The following DPP10 variants were observed in gnomAD, a reference collection of about 807,000 sequenced individuals.
DPP10 encodes the protein dipeptidyl peptidase like 10.
DPP10 carries 33 observed loss-of-function variants against 120.9 expected under a neutral mutation model. That is an observed-to-expected ratio of 0.27 (90% confidence interval 0.21 to 0.37). The LOEUF (loss-of-function observed/expected upper bound fraction) is 0.37, where lower values mean the gene tolerates loss of function less well. DPP10 is among the 10% of genes least tolerant of loss of function. The pLI, the probability that DPP10 is intolerant of heterozygous loss-of-function variation, is 1.00. For synonymous variants in DPP10, 337 were observed against 326.1 expected (o/e 1.03, Z -0.36); for missense variants, 816 against 942.8 (o/e 0.87, Z 1.76).
rs147017576 is a variant in DPP10 at position 115,019,759 on chromosome 2, G to A, written c.61-289480G>A. On this transcript the variant is annotated intron_variant, in intron 1 of 25. Transcript: ENST00000410059. ...ACAAAGGAAGAATCTTAAGAGCTATGAGGCAAAAGCATCAGGTAACCTATA... is the reference window on the plus strand; with the variant it reads ...ACAAAGGAAGAATCTTAAGAGCTATAAGGCAAAAGCATCAGGTAACCTATA... Among the ~76,000 whole-genome samples, 1,390 of 152,300 alleles carry A rather than the reference G, an allele frequency of 9.1e-3. 26 individuals carry two copies. Among genetic ancestry groups the A allele is most frequent in the African/African-American group, 0.032 (1,326 of 41,576 alleles).
intron 21 of DPP10, among the ~76,000 whole-genome samples, chr2:115,834,857 C>T (rs1478908992): frequency 3.3e-5 from 5 of 152,096 alleles, no homozygotes; most frequent in Admixed American, 1.3e-4. Flanking sequence ...GAGGCCGAGG[C>T]GGGTAGATCA....
intron 1 of DPP10, among the ~76,000 whole-genome samples, chr2:114,989,240 G>A (rs529299281): frequency 6.6e-6 from 1 of 152,174 alleles, no homozygotes; most frequent in Admixed American, 6.5e-5. Context: ...CAGTTCATAG[G>A]ACATTGTCAT....
chr2:115,019,639 A>G (rs1341687065), intron 1 of DPP10, among the ~76,000 whole-genome samples: 2 of 152,218 alleles, frequency 1.3e-5, no homozygotes, highest in Non-Finnish European at 2.9e-5. Flanking sequence ...AGAGATCTAG[A>G]CATCCAAATA....
intron 1 of DPP10, among the ~76,000 whole-genome samples, chr2:114,666,407 T>C (rs1042197222): frequency 3.3e-5 from 5 of 152,222 alleles, no homozygotes; most frequent in Admixed American, 6.5e-5. Flanking sequence ...TGTAGTATTA[T>C]CTCCTTTTCA....
At chr2:115,476,967 C>T (rs1293632806) in intron 3 of DPP10, among the ~76,000 whole-genome samples, 1 of 152,068 alleles carries the variant, frequency 6.6e-6, no homozygotes, top group Non-Finnish European at 1.5e-5. Context: ...AATTAATACC[C>T]TTTCGTGATG....
intron 3 of DPP10, among the ~76,000 whole-genome samples, chr2:115,411,203 A>G (rs2068930229): frequency 6.6e-6 from 1 of 151,978 alleles, no homozygotes; most frequent in Non-Finnish European, 1.5e-5. Flanking sequence ...ATGGTGGCGC[A>G]TGCCTGTAGT....
chr2:115,569,737 T>G (rs2081231804), intron 5 of DPP10, among the ~76,000 whole-genome samples: 1 of 152,232 alleles, frequency 6.6e-6, no homozygotes, highest in Admixed American at 6.5e-5. Flanking sequence ...GCCATGTGCA[T>G]ACTGCATAAC....
chr2:115,523,278 A>G (rs1454329429), intron 4 of DPP10, among the ~76,000 whole-genome samples: 1 of 151,992 alleles, frequency 6.6e-6, no homozygotes, highest in Non-Finnish European at 1.5e-5. Context: ...CCGGAGGCAC[A>G]GACGCACCTG....
At chr2:115,033,753 T>G (rs557136942) in intron 1 of DPP10, among the ~76,000 whole-genome samples, 1 of 151,176 alleles carries the variant, frequency 6.6e-6, no homozygotes, top group Non-Finnish European at 1.5e-5. Context: ...CAGACTGTAG[T>G]GCAATGGCTC....
At chr2:115,655,961 G>T (rs80140772) in intron 5 of DPP10, among the ~76,000 whole-genome samples, 2,727 of 151,628 alleles carry the variant, frequency 0.018, 78 homozygotes, top group African/African-American at 0.062. Flanking sequence ...GGTTGCCAGG[G>T]ACTGCGTGAG....
chr2:115,711,009 A>G, intron 7 of DPP10, among the ~76,000 whole-genome samples: 1 of 152,020 alleles, frequency 6.6e-6, no homozygotes, highest in East Asian at 1.9e-4. Flanking sequence ...ATTCAGTTGG[A>G]AAAAAATGAA....
chr2:115,809,960 G>A (rs1042691152), intron 19 of DPP10, among the ~76,000 whole-genome samples: 1 of 152,114 alleles, frequency 6.6e-6, no homozygotes, highest in African/African-American at 2.4e-5. Flanking sequence ...TCAGGAGATC[G>A]AGACCATCCT....
At chr2:114,848,667 T>C (rs1050535760) in intron 1 of DPP10, among the ~76,000 whole-genome samples, 5 of 152,200 alleles carry the variant, frequency 3.3e-5, no homozygotes, top group African/African-American at 1.2e-4. Context: ...ATACATAACA[T>C]GCCTCAGTGA....
intron 1 of DPP10, among the ~76,000 whole-genome samples, chr2:115,140,633 T>C (rs1038875462): frequency 4.6e-5 from 7 of 152,100 alleles, no homozygotes; most frequent in Admixed American, 4.6e-4. Flanking sequence ...TGCTAAGAGT[T>C]TGGACCACAT....
chr2:114,697,825 T>C (rs1700160117), intron 1 of DPP10, among the ~76,000 whole-genome samples: 1 of 151,542 alleles, frequency 6.6e-6, no homozygotes, highest in African/African-American at 2.4e-5. Context: ...CCAGAATCTA[T>C]CTCTTTGCTC....
intron 1 of DPP10, among the ~76,000 whole-genome samples, chr2:114,444,938 G>GA (rs1404146073): frequency 6.6e-6 from 1 of 152,112 alleles, no homozygotes; most frequent in African/African-American, 2.4e-5. Flanking sequence ...GGGATGAGTG[G>GA]AAAATCTCTC....
At chr2:114,820,335 T>C (rs114698183) in intron 1 of DPP10, among the ~76,000 whole-genome samples, 5,614 of 152,268 alleles carry the variant, frequency 0.037, 157 homozygotes, top group Admixed American at 0.053. Context: ...TCAACATCTA[T>C]ACACTTGCAC....
At chr2:114,994,065 G>C (rs555090456) in intron 1 of DPP10, among the ~76,000 whole-genome samples, 1 of 151,984 alleles carries the variant, frequency 6.6e-6, no homozygotes, top group Non-Finnish European at 1.5e-5. Context: ...CAGTGACTTC[G>C]TTTTCAATAA....
At chr2:115,570,975 G>A (rs1193200314) in intron 5 of DPP10, among the ~76,000 whole-genome samples, 1 of 152,154 alleles carries the variant, frequency 6.6e-6, no homozygotes, top group Non-Finnish European at 1.5e-5. Flanking sequence ...AGGGGAGTCG[G>A]TGGGCATTAA....
Sources: gnomAD v4.1 joint callset for allele counts (sites outside exome capture counted in the v4.1 genomes callset) on GRCh38, gnomAD v4.1.1 for gene constraint, MANE v1.5 for transcripts, NCBI Gene and HGNC (gene_info 2026-07-23, HGNC 2026-07-21) for gene names.